Variants in CENPE observed in about 807,000 individuals in gnomAD.
CENPE encodes centromere-associated protein E.
In CENPE, 145 loss-of-function variants were observed where a neutral mutation model predicts 336.1. The ratio of observed to expected loss-of-function variants is 0.43; its 90% CI spans 0.38 to 0.50. The LOEUF (loss-of-function observed/expected upper bound fraction) is 0.50. CENPE is among the 20% of genes least tolerant of loss of function. The probability of loss-of-function intolerance (pLI) is 0.00; values close to 1 mark genes in which losing one functional copy is unlikely to be tolerated. For synonymous variants in CENPE, 1,013 were observed against 984.8 expected, an observed-to-expected ratio of 1.03 and a Z score of -0.54; for missense variants, 2,719 against 3,023.3, an observed-to-expected ratio of 0.90 and a Z score of 2.36.
chr4:103,169,487 T>A (rs1051267154), intron 16 of CENPE, among the ~76,000 whole-genome samples: 1 of 151,970 alleles, frequency 6.6e-6, no homozygotes, highest in Admixed American at 6.6e-5. Flanking sequence ...ATATTCAAAC[T>A]CAAAAGTCAA....
rs1173441563 is a variant in CENPE at position 103,138,424 on chromosome 4, G to C, written c.6230C>G (p.Pro2077Arg). The C allele has an allele frequency of 6.2e-7, 1 of 1,613,366 alleles. No individual in the cohort carries two copies. Among genetic ancestry groups the C allele is most frequent in the Non-Finnish European group, 8.5e-7 (1 of 1,179,510 alleles). ...ARDRQNHQVK[P>R]EKRLLSDGQQ... ...TCCATCACTTAGTAACCTTTTTTCA[G>C]GTTTTACTTGGTGGTTCTGTCGGTC... Residue 2077 changes from proline (P) to arginine (R), a missense_variant, in exon 39 of 49, where the codon CCT (proline) becomes CGT (arginine). Around this residue, in one of 5 missense-constraint regions of CENPE, gnomAD observed 2,437 missense variants for 2,513.3 expected, o/e 0.97. Coordinates refer to ENST00000265148, the MANE Select transcript of CENPE (RefSeq NM_001813.3).
At chr4:103,129,725 A>AAAAAT (rs1209859145) in intron 42 of CENPE, among the ~76,000 whole-genome samples, 4 of 147,150 alleles carry the variant, frequency 2.7e-5, no homozygotes, top group African/African-American at 5.0e-5. Context: ...CTCCATCTCA[A>AAAAAT]AAAATAAAAT....
At chr4:103,107,013 A>C (rs1211582404) in intron 48 of CENPE, among the ~76,000 whole-genome samples, 1 of 152,190 alleles carries the variant, frequency 6.6e-6, no homozygotes, top group East Asian at 1.9e-4. Flanking sequence ...TTAAAAAAGG[A>C]CTCAAACATT....
In CENPE at chr4:103,142,879, G is replaced by T. The variant is rs116652741; in HGVS notation, c.5304+369C>A. Reference sequence around the variant, plus strand: ...AAAAATTAGCTGGGTGTGATGACATGCATCTGTAATCCTAGTTACTTGGGA... The same window carrying T: ...AAAAATTAGCTGGGTGTGATGACATTCATCTGTAATCCTAGTTACTTGGGA... On this transcript the variant is annotated intron_variant, in intron 34 of 48. Transcript: ENST00000265148. 6.5e-3 allele frequency among the ~76,000 whole-genome samples: 994 copies of T among 151,852 alleles called. 5 individuals carry two copies. Among genetic ancestry groups the T allele is most frequent in the Non-Finnish European group, 0.012 (834 of 67,946 alleles).
At chr4:103,107,368 G>A (rs553202334) in intron 48 of CENPE, among the ~76,000 whole-genome samples, 3 of 152,320 alleles carry the variant, frequency 2.0e-5, no homozygotes, top group South Asian at 4.1e-4. Context: ...TGTAGTTGAT[G>A]AGAATGGATA....
intron 48 of CENPE, 43 bp from the exon 49 acceptor site, chr4:103,106,359 T>C: frequency 1.4e-6 from 2 of 1,481,040 alleles, no homozygotes; most frequent in Non-Finnish European, 1.9e-6. Context: ...ATTACAAAAA[T>C]ACACAAAAAC....
At chr4:103,117,627 T>C (rs1276766218) in intron 44 of CENPE, among the ~76,000 whole-genome samples, 6 of 148,960 alleles carry the variant, frequency 4.0e-5, no homozygotes, top group South Asian at 2.1e-4. Context: ...CTTTCCTTTT[T>C]TTTTTTTTTT....
chr4:103,191,513 C>G lies in CENPE; in HGVS notation c.693+2716G>C, dbSNP rs62327340. ...GTCCTTTGTAGGGACATGGATGAAG[C>G]TGGAAACCATCATTCTCAGCAAACT... On this transcript the variant is annotated intron_variant, in intron 8 of 48. Transcript: ENST00000265148. Among the ~76,000 whole-genome samples, 481 of 152,126 alleles carry G rather than the reference C, an allele frequency of 3.2e-3. 4 individuals carry two copies. Among genetic ancestry groups the G allele is most frequent in the Non-Finnish European group, 3.9e-3 (262 of 68,004 alleles).
chr4:103,170,879 G>T (rs192031039), intron 16 of CENPE, among the ~76,000 whole-genome samples: 1 of 152,228 alleles, frequency 6.6e-6, no homozygotes, highest in Admixed American at 6.5e-5. Context: ...AAGAGAGCAG[G>T]AGAAGCTATA....
In CENPE at chr4:103,175,968, G is replaced by C; in HGVS notation, c.1471C>G (p.Leu491Val). 1.9e-6 allele frequency: 3 copies of C among 1,588,500 alleles called. No homozygotes were observed. Among genetic ancestry groups the C allele is most frequent in the Non-Finnish European group, 2.6e-6 (3 of 1,160,646 alleles). ...AAAATACATTAAGTTACCTGATTTA[G>C]TAGCTTTGTTGCTGGATTCCATTCT... ...EIEWNPATKL[L>V]NQENIESELN... Residue 491 changes from leucine to valine, a missense_variant, in exon 15 of 49, where the codon CTA becomes GTA. Physicochemically the swap from Leu to Val is conservative, Grantham distance 32 (BLOSUM62 1). Around this residue, in one of 5 missense-constraint regions of CENPE, gnomAD observed 2,437 missense variants for 2,513.3 expected, o/e 0.97. Transcript: ENST00000265148.
At chr4:103,139,744 A>G in intron 38 of CENPE, 45 bp downstream of exon 38, 3 of 1,479,442 alleles carry the variant, frequency 2.0e-6, no homozygotes, top group Non-Finnish European at 1.8e-6. Flanking sequence ...AAAAAAGCTT[A>G]ATTCTTATTA....
intron 24 of CENPE, among the ~76,000 whole-genome samples, chr4:103,157,954 C>A (rs1183483123): frequency 2.0e-5 from 3 of 151,852 alleles, no homozygotes; most frequent in East Asian, 1.9e-4. Context: ...GAAAAGAATA[C>A]TGTTAATAAA....
At chr4:103,174,597 A>G (rs1755694178) in intron 16 of CENPE, 139 bp downstream of exon 16, 2 of 533,522 alleles carry the variant, frequency 3.7e-6, no homozygotes, top group African/African-American at 2.0e-5. Flanking sequence ...AACATCATAC[A>G]TCATGTTGTA....
chr4:103,140,224 T>C, intron 37 of CENPE, 32 bp downstream of exon 37: 2 of 1,563,654 alleles, frequency 1.3e-6, no homozygotes, highest in Admixed American at 1.9e-5. Context: ...TGGGCACAGT[T>C]ACTTCCAAAA....
intron 16 of CENPE, among the ~76,000 whole-genome samples, chr4:103,167,069 C>T (rs765650605): frequency 4.6e-5 from 7 of 152,138 alleles, no homozygotes; most frequent in Non-Finnish European, 1.0e-4. Context: ...TTTCACATAA[C>T]TCTCTTAGAT....
rs2125923048 is a variant in CENPE, at chr4:103,143,313, T to C, written c.5239A>G (p.Lys1747Glu). The C allele has an allele frequency of 1.2e-6, 2 of 1,605,458 alleles. No homozygotes were observed. The highest frequency in any genetic ancestry group is 1.7e-6 in the Non-Finnish European group (2 of 1,172,730). ...IDKLRGIVSE[K>E]TNEISNMQKD... ...TGCATATTTGATATTTCATTTGTTT[T>C]CTCTGAAACAATCCCTCTTAGTTTA... The change falls in exon 34 of 49, where the codon AAA becomes GAA. Residue 1747 changes from lysine (K) to glutamate (E), a missense_variant. Physicochemically the swap from Lys to Glu is moderately conservative, Grantham distance 56 (BLOSUM62 1). Coordinates refer to ENST00000265148, the MANE Select transcript of CENPE (RefSeq NM_001813.3).
intron 8 of CENPE, 59 bp from the exon 9 acceptor site, chr4:103,185,920 A>C (rs1756730418): frequency 8.6e-7 from 1 of 1,160,694 alleles, no homozygotes; most frequent in South Asian, 1.3e-5. Context: ...TAAAATTCAA[A>C]CTACTGAAAG....
chr4:103,161,603 G>T, intron 18 of CENPE, 146 bp from the exon 19 acceptor site: 2 of 640,950 alleles, frequency 3.1e-6, no homozygotes, highest in South Asian at 6.2e-5. Context: ...AAGAAATAAT[G>T]TTTTCCTAAT....
rs760438151 is a variant in CENPE at position 103,158,763 on chromosome 4, C to T, written c.2725G>A (p.Glu909Lys). The change falls in exon 23 of 49, where the codon GAG becomes AAG. Residue 909 changes from glutamate (E) to lysine (K), a missense_variant. Coordinates refer to ENST00000265148, the MANE Select transcript of CENPE (RefSeq NM_001813.3). Reference protein sequence around the residue: ...RDSTLQTVEREKTLITEKLQQ... With the variant: ...RDSTLQTVERKKTLITEKLQQ... ...AGTTTCTCAGTAATCAGTGTTTTCT[C>T]CCTTTCTACAGTTTGCAGCGTAGAA... 5.0e-6 allele frequency: 8 copies of T among 1,613,222 alleles called. No homozygotes were observed. The South Asian group carries it at 7.7e-5, about 16-fold the overall frequency.
Sources: gnomAD v4.1 joint callset for allele counts (sites outside exome capture counted in the v4.1 genomes callset) on GRCh38, gnomAD v4.1.1 for gene constraint, gnomAD v4.1.1 regional missense constraint, MANE v1.5 for transcripts, NCBI Gene and HGNC (gene_info 2026-07-23, HGNC 2026-07-21) for gene names.